The following TOX3 variants were observed in gnomAD, a reference collection of about 807,000 sequenced individuals.
TOX3 encodes the protein TOX high mobility group box family member 3, also known as CAG trinucleotide repeat-containing gene F9 protein.
TOX3 carries 22 observed loss-of-function variants against 64.3 expected under a neutral mutation model. The observed-to-expected ratio is 0.34, with a 90% confidence interval of 0.24 to 0.49. The LOEUF (loss-of-function observed/expected upper bound fraction) is 0.49. Among genes scored for constraint, TOX3 ranks in the 20% least tolerant of loss-of-function variants. The probability of loss-of-function intolerance (pLI) is 0.99; values close to 1 mark genes in which losing one functional copy is unlikely to be tolerated. For synonymous variants in TOX3, 291 were observed against 273.6 expected (o/e 1.06, Z -0.63); for missense variants, 661 against 714.4 (o/e 0.93, Z 0.85).
At chr16:52,485,246 G>GTGTA (rs1555484130) in intron 1 of TOX3, among the ~76,000 whole-genome samples, 1,372 of 127,842 alleles carry the variant, frequency 0.011, 34 homozygotes, top group African/African-American at 0.041. Flanking sequence ...ATGTGTGTGT[G>GTGTA]TATATATATA....
intron 3 of TOX3, among the ~76,000 whole-genome samples, chr16:52,458,643 A>G (rs1960599989): frequency 6.6e-6 from 1 of 152,190 alleles, no homozygotes; most frequent in Admixed American, 6.5e-5. Flanking sequence ...CACAAGGTCT[A>G]ATTAGGTTTA....
intron 1 of TOX3, among the ~76,000 whole-genome samples, chr16:52,502,391 G>A (rs908887630): frequency 1.3e-5 from 2 of 152,110 alleles, no homozygotes; most frequent in African/African-American, 4.8e-5. Flanking sequence ...TATTATGCAA[G>A]TCAAACCTAC....
intron 1 of TOX3, among the ~76,000 whole-genome samples, chr16:52,482,213 A>AT (rs2151449779): frequency 6.6e-6 from 1 of 152,298 alleles, no homozygotes; most frequent in African/African-American, 2.4e-5. Flanking sequence ...TTATTTTAGC[A>AT]TTTTATATAA....
intron 1 of TOX3, among the ~76,000 whole-genome samples, chr16:52,533,363 G>C (rs1487257185): frequency 6.6e-6 from 1 of 152,164 alleles, no homozygotes; most frequent in African/African-American, 2.4e-5. Flanking sequence ...CAAAGACAAG[G>C]AACTGAAGAG....
At chr16:52,496,535 G>T (rs1961854121) in intron 1 of TOX3, among the ~76,000 whole-genome samples, 1 of 152,172 alleles carries the variant, frequency 6.6e-6, no homozygotes, top group East Asian at 1.9e-4. Flanking sequence ...CTAAAGACAG[G>T]TGACAATTCT....
chr16:52,514,645 T>G (rs960337827), intron 1 of TOX3, among the ~76,000 whole-genome samples: 3 of 152,052 alleles, frequency 2.0e-5, no homozygotes, highest in Admixed American at 6.6e-5. Context: ...GCTATTTATG[T>G]GGGAGACAGG....
intron 1 of TOX3, among the ~76,000 whole-genome samples, chr16:52,520,835 T>C (rs1196561298): frequency 1.3e-5 from 2 of 152,178 alleles, no homozygotes; most frequent in African/African-American, 2.4e-5. Context: ...TTTCAGAGCA[T>C]TTAGAATTTG....
chr16:52,498,039 C>G (rs570982996), intron 1 of TOX3, among the ~76,000 whole-genome samples: 1 of 152,090 alleles, frequency 6.6e-6, no homozygotes, highest in African/African-American at 2.4e-5. Flanking sequence ...ATTTAATATA[C>G]GGCCAAGAGA....
chr16:52,473,972 C>T (rs766114302), intron 1 of TOX3, among the ~76,000 whole-genome samples: 12 of 152,090 alleles, frequency 7.9e-5, no homozygotes, highest in South Asian at 2.1e-4. Flanking sequence ...CACACACACA[C>T]GTCCACATGC....
At chr16:52,459,251 A>G (rs946350662) in intron 3 of TOX3, among the ~76,000 whole-genome samples, 2 of 152,176 alleles carry the variant, frequency 1.3e-5, no homozygotes, top group Non-Finnish European at 1.5e-5. Flanking sequence ...CGAGACTGCA[A>G]TGAGCTATGA....
Position 52,505,067 on chromosome 16 carries a change from C to T in TOX3, c.88-36493G>A, listed in dbSNP as rs1596837124. 3.3e-5 allele frequency among the ~76,000 whole-genome samples: 5 copies of T among 152,230 alleles called. 1 individual carries two copies. The South Asian group carries it at 1.0e-3, about 32-fold the overall frequency. On this transcript the variant is annotated intron_variant, in intron 1 of 6. Transcript: ENST00000219746. ...CAGGCTGGTCTTGAACTCCTGACCTCAAATGCTCTGCTCATCTTGGCCCCA... is the reference window on the plus strand; with the variant it reads ...CAGGCTGGTCTTGAACTCCTGACCTTAAATGCTCTGCTCATCTTGGCCCCA...
intron 4 of TOX3, 106 bp from the exon 5 acceptor site, chr16:52,446,327 T>G (rs1371448705): frequency 2.6e-6 from 3 of 1,171,102 alleles, no homozygotes; most frequent in Non-Finnish European, 3.5e-6. Context: ...TTAGGCATCA[T>G]CAACAGATGA....
chr16:52,477,442 G>C lies in TOX3; in HGVS notation c.88-8868C>G, dbSNP rs138205218. ...ATGCACAAGAGTAGTATTAAGAAAG[G>C]CTGGTGCCAAGGAGACCAGTGAAGA... On this transcript the variant is annotated intron_variant, in intron 1 of 6. Transcript: ENST00000219746. 2.9e-3 allele frequency among the ~76,000 whole-genome samples: 442 copies of C among 152,338 alleles called. 1 individual carries two copies. Among genetic ancestry groups the C allele is most frequent in the African/African-American group, 0.01 (423 of 41,582 alleles).
intron 1 of TOX3, among the ~76,000 whole-genome samples, chr16:52,496,655 G>A (rs1487270605): frequency 6.6e-6 from 1 of 152,142 alleles, no homozygotes; most frequent in Non-Finnish European, 1.5e-5. Context: ...GCGTATTCCT[G>A]AATATCCTCT....
chr16:52,536,747 A>C (rs1396693329), intron 1 of TOX3, among the ~76,000 whole-genome samples: 3 of 146,762 alleles, frequency 2.0e-5, no homozygotes, highest in African/African-American at 7.6e-5. Context: ...TCTTATTCCC[A>C]TAGTCCAATC....
intron 1 of TOX3, among the ~76,000 whole-genome samples, chr16:52,523,328 T>C (rs1962652966): frequency 6.6e-6 from 1 of 152,000 alleles, no homozygotes; most frequent in African/African-American, 2.4e-5. Context: ...AGACAGGCCT[T>C]GATGAGGTCA....
chr16:52,475,530 C>T (rs1044538718), intron 1 of TOX3: 1 of 152,190 alleles, frequency 6.6e-6, no homozygotes, highest in Non-Finnish European at 1.5e-5. Flanking sequence ...AATGCACTAA[C>T]CTTTTTATAG....
chr16:52,519,598 AAAC>A (rs1962549904), intron 1 of TOX3: 13 of 1,422,168 alleles, frequency 9.1e-6, no homozygotes, highest in Non-Finnish European at 1.2e-5. Flanking sequence ...ACGAAAAAAA[AAAC>A]AACATGGTTG....
intron 3 of TOX3, among the ~76,000 whole-genome samples, chr16:52,458,886 G>A (rs781293231): frequency 7.2e-5 from 11 of 152,138 alleles, no homozygotes; most frequent in African/African-American, 9.7e-5. Flanking sequence ...CTAAATTAAA[G>A]TTGGTTTTTG....
Sources: gnomAD v4.1 joint callset for allele counts (sites outside exome capture counted in the v4.1 genomes callset) on GRCh38, gnomAD v4.1.1 for gene constraint, MANE v1.5 for transcripts, NCBI Gene and HGNC (gene_info 2026-07-23, HGNC 2026-07-21) for gene names.